Variants in ZMYND8 observed in about 807,000 individuals in gnomAD.
The protein encoded by ZMYND8 is zinc finger MYND-type containing 8, also known as MYND-type zinc finger-containing chromatin reader ZMYND8.
In ZMYND8, 37 loss-of-function variants were observed where a neutral mutation model predicts 140.8. The ratio of observed to expected loss-of-function variants is 0.26; its 90% confidence interval spans 0.20 to 0.35. ZMYND8 has a LOEUF of 0.35. Ranked by LOEUF, ZMYND8 falls within the 10% of genes least tolerant of loss-of-function variation. The probability of loss-of-function intolerance (pLI) is 1.00; values close to 1 mark genes in which losing one functional copy is unlikely to be tolerated. For synonymous variants in ZMYND8, 592 were observed against 597.1 expected, an observed-to-expected ratio of 0.99 and a Z score of 0.12; for missense variants, 1,068 against 1,570.0, an observed-to-expected ratio of 0.68 and a Z score of 5.40.
intron 13 of ZMYND8, among the ~76,000 whole-genome samples, chr20:47,248,773 G>T (rs563271402): frequency 7.4e-4 from 113 of 152,244 alleles, no homozygotes; most frequent in Non-Finnish European, 6.0e-4. Context: ...CCTGGAGGAG[G>T]TGAGATCTGA....
intron 2 of ZMYND8, among the ~76,000 whole-genome samples, chr20:47,345,708 C>T (rs373540606): frequency 6.6e-6 from 1 of 151,870 alleles, no homozygotes; most frequent in African/African-American, 2.4e-5. Flanking sequence ...GGGGTTTCAC[C>T]GTGTTGCCCA....
In ZMYND8 at chr20:47,220,335, A is replaced by G; in HGVS notation, c.3418-11T>C. 8 of 1,552,206 alleles carry G rather than the reference A, an allele frequency of 5.2e-6. No individual in the cohort carries two copies. The highest frequency in any genetic ancestry group is 7.0e-6 in the Non-Finnish European group (8 of 1,146,656). On this transcript the variant is annotated splice_polypyrimidine_tract_variant and intron_variant, in intron 20 of 22. Transcript: ENST00000471951. ...AGAAAGGTCAAGGGTCTAGAAATAC[A>G]AAAAGAAAAAGATGGACTCAAGGCA...
chr20:47,233,479 G>A (rs577597557), intron 16 of ZMYND8, among the ~76,000 whole-genome samples: 8 of 152,234 alleles, frequency 5.3e-5, no homozygotes, highest in East Asian at 1.9e-4. Flanking sequence ...AAAGTGCTGC[G>A]GTTACAGCCA....
intron 18 of ZMYND8, 148 bp from the exon 19 acceptor site, chr20:47,224,704 G>C (rs977252501): frequency 7.2e-7 from 1 of 1,395,592 alleles, no homozygotes. Flanking sequence ...AACCTAGCCC[G>C]AGTCTTCATC....
At position 47,249,397 on chromosome 20, in the gene ZMYND8, G is replaced by A; in HGVS notation, c.1664C>T (p.Ser555Leu). The A allele has an allele frequency of 6.2e-7, 1 of 1,614,104 alleles. No individual in the cohort carries two copies. Among genetic ancestry groups the A allele is most frequent in the Non-Finnish European group, 8.5e-7 (1 of 1,180,010 alleles). ...AACAGGGGTGGACTGTTGCTGGACC[G>A]ACTCGCTCAGCTCCTTCAAATCCAT... is the stretch of plus-strand genomic sequence containing the variant. ...AEMDLKELSESVQQQSTPVPL... is the reference protein window; with the variant it reads ...AEMDLKELSELVQQQSTPVPL... The change falls in exon 13 of 23, where the codon TCG becomes TTG. Residue 555 changes from serine to leucine, a missense_variant. Around this residue, in one of 10 missense-constraint regions of ZMYND8, gnomAD observed 173 missense variants for 223.3 expected, o/e 0.77. Coordinates refer to ENST00000471951, the MANE Select transcript of ZMYND8 (RefSeq NM_001281775.3).
intron 11 of ZMYND8, among the ~76,000 whole-genome samples, chr20:47,271,496 C>T (rs779688404): frequency 2.6e-5 from 4 of 152,178 alleles, no homozygotes; most frequent in Non-Finnish European, 4.4e-5. Context: ...TGGAAAGAAA[C>T]GTATGTCTGC....
intron 2 of ZMYND8, among the ~76,000 whole-genome samples, chr20:47,339,298 A>G (rs1422933546): frequency 6.6e-6 from 1 of 151,856 alleles, no homozygotes; most frequent in African/African-American, 2.4e-5. Flanking sequence ...GCCCCCTCTA[A>G]GCAGGGGGTC....
chr20:47,353,748 T>C (rs537033426), intron 1 of ZMYND8: 1 of 152,308 alleles, frequency 6.6e-6, no homozygotes, highest in Admixed American at 6.5e-5. Context: ...TGTTCCTCCT[T>C]CTGCAATTTA....
intron 16 of ZMYND8, among the ~76,000 whole-genome samples, chr20:47,230,039 A>G (rs1419492978): frequency 1.3e-5 from 2 of 152,110 alleles, no homozygotes; most frequent in African/African-American, 4.8e-5. Flanking sequence ...TCCTACCTGA[A>G]CCATGCTAAA....
intron 12 of ZMYND8, among the ~76,000 whole-genome samples, chr20:47,256,144 C>T (rs1004126823): frequency 5.3e-5 from 8 of 151,460 alleles, no homozygotes; most frequent in Non-Finnish European, 1.2e-4. Context: ...CCAGGAACTA[C>T]AAAATGTCAG....
chr20:47,220,191 C>CA (rs1186960906), intron 21 of ZMYND8, 67 bp downstream of exon 21: 1 of 1,391,258 alleles, frequency 7.2e-7, no homozygotes, highest in East Asian at 2.5e-5. Context: ...TTCTCCCTGA[C>CA]AAAATGGCTC....
chr20:47,236,242 G>A (rs2147148029), intron 16 of ZMYND8, 84 bp downstream of exon 16: 6 of 1,542,412 alleles, frequency 3.9e-6, no homozygotes, highest in East Asian at 2.3e-5. Context: ...AGGTTAAGAC[G>A]CTCACGCTTC....
chr20:47,238,915 C>T lies in ZMYND8; in HGVS notation c.2508G>A (p.Arg836=). Residue 836 remains arginine (R), a synonymous_variant, in exon 15 of 23, where the codon CGG becomes CGA. Transcript: ENST00000471951. ...ACTTACTTGATGAGTTCCACACGAC[C>T]CGCTGCACGGCCGGGGCAGTCTCCT... ...LPKETAPAVQ[R]VVWNSSSKFQ... is the part of the protein sequence containing the mutation. The T allele has an allele frequency of 2.5e-6, 4 of 1,614,152 alleles. No homozygotes were observed. The highest frequency in any genetic ancestry group is 3.4e-6 in the Non-Finnish European group (4 of 1,180,052).
rs563603119 is a variant in ZMYND8 at position 47,345,788 on chromosome 20, C to A, written c.85+2068G>T. On this transcript the variant is annotated intron_variant, in intron 2 of 22. Coordinates refer to ENST00000471951, the MANE Select transcript of ZMYND8 (RefSeq NM_001281775.3). ...CCTCCCAAAGTGCTAAGATTACAGGCGTGAGCCAACGCACTCTGTCCACTT... is the reference window on the plus strand; with the variant it reads ...CCTCCCAAAGTGCTAAGATTACAGGAGTGAGCCAACGCACTCTGTCCACTT... Among the ~76,000 whole-genome samples the A allele has an allele frequency of 5.7e-5, 8 of 139,848 alleles. No individual in the cohort carries two copies. In the South Asian group the frequency reaches 1.7e-3, roughly 30 times the overall value. 91.7% of individuals were successfully genotyped at this position (139,848 alleles called of 152,430 possible).
chr20:47,284,809 T>C (rs2076821461), intron 8 of ZMYND8, among the ~76,000 whole-genome samples: 1 of 152,168 alleles, frequency 6.6e-6, no homozygotes, highest in South Asian at 2.1e-4. Flanking sequence ...GCTCCCTTCT[T>C]GGATCTCAAG....
At chr20:47,300,817 C>A (rs1272239730) in intron 3 of ZMYND8, among the ~76,000 whole-genome samples, 2 of 151,938 alleles carry the variant, frequency 1.3e-5, no homozygotes, top group Non-Finnish European at 2.9e-5. Flanking sequence ...GAGGCTCCAG[C>A]AATCCTCCAG....
intron 3 of ZMYND8, among the ~76,000 whole-genome samples, chr20:47,300,710 T>C (rs2077958675): frequency 6.6e-6 from 1 of 152,136 alleles, no homozygotes; most frequent in South Asian, 2.1e-4. Context: ...CCAGCTTTTA[T>C]TATGAGGTTT....
intron 2 of ZMYND8, among the ~76,000 whole-genome samples, chr20:47,336,058 C>T (rs2081364566): frequency 6.6e-6 from 1 of 152,184 alleles, no homozygotes; most frequent in Admixed American, 6.5e-5. Flanking sequence ...ACTTCTGCAT[C>T]GCGCTGTGAT....
At chr20:47,241,630 C>T (rs2039981532) in intron 14 of ZMYND8, among the ~76,000 whole-genome samples, 1 of 151,944 alleles carries the variant, frequency 6.6e-6, no homozygotes, top group Admixed American at 6.6e-5. Context: ...CACACGGGAG[C>T]TCATTTGTAA....
Sources: allele counts gnomAD v4.1 joint callset (sites outside exome capture counted in the v4.1 genomes callset), GRCh38; gene constraint gnomAD v4.1.1; regional missense constraint gnomAD v4.1.1; transcripts MANE v1.5; gene names NCBI Gene and HGNC (gene_info 2026-07-23, HGNC 2026-07-21).